The following CDC14B variants were observed in gnomAD, a reference collection of about 807,000 sequenced individuals.
CDC14B encodes the protein dual specificity protein phosphatase CDC14B.
CDC14B carries 22 observed loss-of-function variants against 64.2 expected under a neutral mutation model. That is an observed-to-expected ratio of 0.34 (90% CI 0.24 to 0.49). The LOEUF is 0.49. CDC14B is among the 20% of genes least tolerant of loss of function. CDC14B has a pLI of 0.99. For synonymous variants in CDC14B, 191 were observed against 215.8 expected (o/e 0.89, Z 1.01); for missense variants, 498 against 629.9 (o/e 0.79, Z 2.24).
At chr9:96,554,653 A>T (rs754397349) in intron 4 of CDC14B, among the ~76,000 whole-genome samples, 27 of 152,348 alleles carry the variant, frequency 1.8e-4, no homozygotes, top group Non-Finnish European at 3.5e-4. Context: ...AATGTAAAGC[A>T]TAACTAGATA....
At chr9:96,521,653 C>T (rs988591588) in intron 12 of CDC14B, among the ~76,000 whole-genome samples, 5 of 152,170 alleles carry the variant, frequency 3.3e-5, no homozygotes, top group African/African-American at 1.2e-4. Context: ...AAAACCTGTT[C>T]TCTGCCAATA....
intron 5 of CDC14B, among the ~76,000 whole-genome samples, chr9:96,547,647 CTTGCTATG>C (rs1254449147): frequency 6.6e-6 from 1 of 151,982 alleles, no homozygotes; most frequent in Non-Finnish European, 1.5e-5. Context: ...GAGAAATGGT[CTTGCTATG>C]CTGCAAGGCT....
At chr9:96,603,014 A>T (rs991652401) in intron 1 of CDC14B, among the ~76,000 whole-genome samples, 4 of 152,140 alleles carry the variant, frequency 2.6e-5, no homozygotes, top group African/African-American at 9.7e-5. Context: ...CTGGATGGAA[A>T]CCAGAAGCTT....
Position 96,515,557 on chromosome 9 carries a change from C to G in CDC14B, c.1344-5768G>C, listed in dbSNP as rs1835516538. The G allele has an allele frequency of 6.4e-6, 8 of 1,255,914 alleles. No homozygotes were observed. Among genetic ancestry groups the G allele is most frequent in the South Asian group, 5.8e-5 (3 of 51,896 alleles). 77.8% of individuals were successfully genotyped at this position (1,255,914 alleles called of 1,614,324 possible). A position where few individuals can be genotyped will look rare whatever the true frequency, so the allele number is the denominator to read the frequency against. On this transcript the variant is annotated intron_variant, in intron 12 of 13. Coordinates refer to ENST00000375241, the MANE Select transcript of CDC14B (RefSeq NM_033331.4). This position sits in a 1 kb window ranked among gnomAD's most constrained non-coding sequence, Gnocchi z 4.3. Reference sequence around the variant, plus strand: ...TTTGAAAATAGGCAAACCAACAAAGCTAGGAGCTGACAAGGAGAAAAACAT... The same window carrying G: ...TTTGAAAATAGGCAAACCAACAAAGGTAGGAGCTGACAAGGAGAAAAACAT...
intron 1 of CDC14B, among the ~76,000 whole-genome samples, chr9:96,589,088 C>T (rs570212543): frequency 6.6e-6 from 1 of 152,300 alleles, no homozygotes; most frequent in South Asian, 2.1e-4. Context: ...GTAATCCTAG[C>T]ACTTTGGGAG....
intron 5 of CDC14B, among the ~76,000 whole-genome samples, chr9:96,543,339 C>CAA (rs769986555): frequency 8.2e-5 from 11 of 134,680 alleles, no homozygotes; most frequent in Admixed American, 2.3e-4. Context: ...AGACTCGTCT[C>CAA]AAAAAAAAAA....
chr9:96,566,660 A>G, intron 1 of CDC14B: 1 of 1,076,724 alleles, frequency 9.3e-7, no homozygotes, highest in Non-Finnish European at 1.4e-6. Context: ...CGCAGGAGAC[A>G]AGGGCGGCCG....
intron 4 of CDC14B, among the ~76,000 whole-genome samples, chr9:96,553,090 T>G (rs1388161853): frequency 6.6e-6 from 1 of 152,206 alleles, no homozygotes; most frequent in Non-Finnish European, 1.5e-5. Context: ...TGTACTTAGC[T>G]GAACCCAAAT....
At chr9:96,513,063 G>C (rs1345905866) in intron 12 of CDC14B, among the ~76,000 whole-genome samples, 1 of 152,110 alleles carries the variant, frequency 6.6e-6, no homozygotes, top group Non-Finnish European at 1.5e-5. Context: ...GCTAAATCCT[G>C]TAGTCATTCT....
intron 1 of CDC14B, among the ~76,000 whole-genome samples, chr9:96,613,809 C>T (rs1287532995): frequency 6.6e-6 from 1 of 152,160 alleles, no homozygotes; most frequent in Non-Finnish European, 1.5e-5. Context: ...TTCTACATAA[C>T]AGCATTCCTT....
downstream of CDC14B, among the ~76,000 whole-genome samples, chr9:96,499,182 T>TG (rs1833374884): frequency 2.0e-5 from 3 of 152,096 alleles, no homozygotes; most frequent in Admixed American, 1.3e-4. Flanking sequence ...ATGAACACTC[T>TG]GGGGGGTCAT....
intron 11 of CDC14B, 109 bp from the exon 12 acceptor site, chr9:96,522,712 C>A: frequency 1.4e-6 from 1 of 719,314 alleles, no homozygotes; most frequent in Non-Finnish European, 2.4e-6. Flanking sequence ...TCTGCAAGCT[C>A]TAGAATATTT....
intron 9 of CDC14B, among the ~76,000 whole-genome samples, chr9:96,525,972 C>A (rs1315304940): frequency 6.6e-6 from 1 of 152,138 alleles, no homozygotes; most frequent in Non-Finnish European, 1.5e-5. Context: ...ATATATTGTT[C>A]TAAGTCCCAA....
intron 9 of CDC14B, among the ~76,000 whole-genome samples, chr9:96,529,530 C>A (rs1168071774): frequency 7.0e-6 from 1 of 143,850 alleles, no homozygotes; most frequent in East Asian, 2.1e-4. Context: ...CTCACTACGT[C>A]ACCCAGGCTG....
chr9:96,499,100 C>T (rs569604266), downstream of CDC14B, among the ~76,000 whole-genome samples: 1 of 152,352 alleles, frequency 6.6e-6, no homozygotes, highest in Admixed American at 6.5e-5. Flanking sequence ...CAGGGGAGAG[C>T]TCTAGTGGCC....
intron 1 of CDC14B, among the ~76,000 whole-genome samples, chr9:96,603,191 C>CACACACAA (rs1190965928): frequency 2.7e-5 from 4 of 150,458 alleles, no homozygotes; most frequent in African/African-American, 9.8e-5. Flanking sequence ...CACACACACA[C>CACACACAA]AAATACACAA....
chr9:96,540,592 C>A (rs1411575938), intron 6 of CDC14B, among the ~76,000 whole-genome samples: 1 of 150,778 alleles, frequency 6.6e-6, no homozygotes, highest in Non-Finnish European at 1.5e-5. Flanking sequence ...ACTTTGGGTG[C>A]AATACCCAAT....
chr9:96,607,645 G>C (rs989142734), intron 1 of CDC14B, among the ~76,000 whole-genome samples: 2 of 151,868 alleles, frequency 1.3e-5, no homozygotes, highest in African/African-American at 2.4e-5. Flanking sequence ...GGATGGTCTC[G>C]ATCTCCTGAC....
At chr9:96,506,494 C>A (rs769518033) in intron 13 of CDC14B, among the ~76,000 whole-genome samples, 4 of 152,260 alleles carry the variant, frequency 2.6e-5, no homozygotes, top group African/African-American at 9.6e-5. Context: ...CCAAAAGAGG[C>A]ACAAAGAAAG....
Sources: gnomAD v4.1 joint callset for allele counts (sites outside exome capture counted in the v4.1 genomes callset) on GRCh38, gnomAD v4.1.1 for gene constraint, Gnocchi (gnomAD v3.1) non-coding constraint, MANE v1.5 for transcripts, NCBI Gene and HGNC (gene_info 2026-07-23, HGNC 2026-07-21) for gene names.